Variants in CTNNA2 observed in about 807,000 individuals in gnomAD.
The protein encoded by CTNNA2 is catenin alpha-2.
Under a neutral mutation model 101.0 loss-of-function variants are expected in CTNNA2, and 42 were observed. The ratio of observed to expected loss-of-function variants is 0.42; its 90% CI spans 0.32 to 0.54. CTNNA2 has a LOEUF of 0.54. CTNNA2 is among the 20% of genes least tolerant of loss of function. The pLI, the probability that CTNNA2 is intolerant of heterozygous loss-of-function variation, is 0.14. For synonymous variants in CTNNA2, 450 were observed against 456.4 expected (o/e 0.99, Z 0.18); for missense variants, 871 against 1,223.1 (o/e 0.71, Z 4.29).
chr2:79,228,933 C>G (rs1182356220), intron 2 of CTNNA2, among the ~76,000 whole-genome samples: 1 of 152,126 alleles, frequency 6.6e-6, no homozygotes, highest in East Asian at 1.9e-4. Context: ...AATTTTCATA[C>G]ATGGTAAGAG....
chr2:80,290,112 G>A (rs567600209), intron 7 of CTNNA2, among the ~76,000 whole-genome samples: 11 of 152,246 alleles, frequency 7.2e-5, no homozygotes, highest in Middle Eastern at 3.4e-3. Context: ...TGTGAAGCAG[G>A]CTGAGCAAGG....
intron 1 of CTNNA2, among the ~76,000 whole-genome samples, chr2:79,627,913 TTGAATAGCCTTGACAC>T (rs1172430723): frequency 6.6e-6 from 1 of 152,196 alleles, no homozygotes; most frequent in Non-Finnish European, 1.5e-5. Flanking sequence ...ATACTGTTCT[TTGAATAGCCTTGACAC>T]TGTGCCAGCT....
chr2:79,698,981 A>G (rs1194112189), intron 2 of CTNNA2, among the ~76,000 whole-genome samples: 2 of 152,014 alleles, frequency 1.3e-5, no homozygotes, highest in Non-Finnish European at 2.9e-5. Context: ...TGATCCTCCT[A>G]TGTGATGAAA....
chr2:79,362,402 T>TTAACATATTCATG (rs1179424678), intron 3 of CTNNA2, among the ~76,000 whole-genome samples: 1 of 152,226 alleles, frequency 6.6e-6, no homozygotes, highest in Non-Finnish European at 1.5e-5. Context: ...ATCAAGCTAA[T>TTAACATATTCATG]TAACATATTC....
chr2:80,637,578 C>T (rs1381867023), intron 18 of CTNNA2, among the ~76,000 whole-genome samples: 3 of 152,132 alleles, frequency 2.0e-5, no homozygotes, highest in African/African-American at 4.8e-5. Context: ...TCACTGGGAA[C>T]GGAATCTCTC....
At chr2:80,510,553 A>G (rs1688626765) in intron 9 of CTNNA2, among the ~76,000 whole-genome samples, 2 of 152,158 alleles carry the variant, frequency 1.3e-5, no homozygotes, top group African/African-American at 2.4e-5. Flanking sequence ...ATACATGCCA[A>G]TGGTTTCCTG....
At chr2:79,997,493 G>A (rs1692640806) in intron 7 of CTNNA2, among the ~76,000 whole-genome samples, 1 of 152,110 alleles carries the variant, frequency 6.6e-6, no homozygotes, top group African/African-American at 2.4e-5. Context: ...TGTTTCTGTG[G>A]GGTCTGGCAT....
At chr2:79,853,733 A>G (rs1680912062) in intron 3 of CTNNA2, among the ~76,000 whole-genome samples, 2 of 143,822 alleles carry the variant, frequency 1.4e-5, no homozygotes. Context: ...CAATGGCGTG[A>G]TCTTGGCTCA....
chr2:79,640,154 T>C (rs769278623), intron 1 of CTNNA2, among the ~76,000 whole-genome samples: 6 of 152,310 alleles, frequency 3.9e-5, no homozygotes, highest in Non-Finnish European at 4.4e-5. Context: ...AATCATGTAT[T>C]TGAATTAGAA....
At chr2:79,626,466 A>T (rs1679310677) in intron 1 of CTNNA2, among the ~76,000 whole-genome samples, 1 of 152,156 alleles carries the variant, frequency 6.6e-6, no homozygotes, top group African/African-American at 2.4e-5. Context: ...CCAAACTCTG[A>T]TAGTAAAGCC....
chr2:79,878,084 G>A (rs181999439), intron 6 of CTNNA2, among the ~76,000 whole-genome samples: 1 of 152,280 alleles, frequency 6.6e-6, no homozygotes, highest in Non-Finnish European at 1.5e-5. Flanking sequence ...TTCTGTTCCT[G>A]TGTTAGTTTG....
Position 80,294,635 on chromosome 2 carries a change from TA to T in CTNNA2, c.1057-98568del, listed in dbSNP as rs946463525. Reference sequence around the variant, plus strand: ...GAACTATGGAATCACCTGGGAAGCTTAAAAAAAATAATAATAATAATAAAAA... The same window carrying T: ...GAACTATGGAATCACCTGGGAAGCTTAAAAAAATAATAATAATAATAAAAA... On this transcript the variant is annotated intron_variant, in intron 7 of 18. Coordinates refer to ENST00000402739, the MANE Select transcript of CTNNA2 (RefSeq NM_001282597.3). Among the ~76,000 whole-genome samples the T allele has an allele frequency of 5.9e-5, 9 of 151,688 alleles. No homozygotes were observed. The South Asian group carries it at 1.0e-3, about 18-fold the overall frequency.
chr2:80,404,523 A>T (rs1375604736), intron 8 of CTNNA2, among the ~76,000 whole-genome samples: 1 of 152,180 alleles, frequency 6.6e-6, no homozygotes, highest in African/African-American at 2.4e-5. Flanking sequence ...ATGTGGTTAC[A>T]TGTGTCTAAT....
At chr2:79,583,600 C>T (rs577934466) in intron 1 of CTNNA2, among the ~76,000 whole-genome samples, 43 of 152,108 alleles carry the variant, frequency 2.8e-4, no homozygotes, top group African/African-American at 7.0e-4. Flanking sequence ...GCAAAACCAC[C>T]GAACTGTTTT....
intron 2 of CTNNA2, among the ~76,000 whole-genome samples, chr2:79,241,914 C>CTTTTCTTTTCTT (rs1553385435): frequency 8.6e-6 from 1 of 116,910 alleles, no homozygotes; most frequent in African/African-American, 3.0e-5. Flanking sequence ...CTTTTCTTTT[C>CTTTTCTTTTCTT]TTTTTTTTTG....
chr2:79,896,853 C>G (rs1684747179), intron 6 of CTNNA2, among the ~76,000 whole-genome samples: 1 of 152,170 alleles, frequency 6.6e-6, no homozygotes, highest in African/African-American at 2.4e-5. Context: ...GGGGCTGAAA[C>G]AGTCAGCAGA....
intron 2 of CTNNA2, among the ~76,000 whole-genome samples, chr2:79,311,185 G>A (rs1413264521): frequency 2.0e-5 from 3 of 152,020 alleles, no homozygotes; most frequent in Non-Finnish European, 4.4e-5. Flanking sequence ...CGAGGCGGGC[G>A]GATCACGAGG....
At chr2:79,587,990 G>T (rs1328614759) in intron 1 of CTNNA2, among the ~76,000 whole-genome samples, 1 of 152,112 alleles carries the variant, frequency 6.6e-6, no homozygotes, top group African/African-American at 2.4e-5. Context: ...ATTGATGGAT[G>T]CCCTTCAAAG....
intron 1 of CTNNA2, among the ~76,000 whole-genome samples, chr2:79,602,525 C>T (rs1334168592): frequency 9.9e-5 from 15 of 151,986 alleles, no homozygotes; most frequent in Non-Finnish European, 5.9e-5. Context: ...GATAGTGATA[C>T]GTGGAAAAGA....
Sources: allele counts gnomAD v4.1 joint callset (sites outside exome capture counted in the v4.1 genomes callset), GRCh38; gene constraint gnomAD v4.1.1; transcripts MANE v1.5; gene names NCBI Gene and HGNC (gene_info 2026-07-23, HGNC 2026-07-21).